The following MCM9 variants were observed in gnomAD, a reference collection of about 807,000 sequenced individuals.
MCM9 encodes minichromosome maintenance 9 homologous recombination repair factor, also known as DNA helicase MCM9.
MCM9 carries 55 observed loss-of-function variants against 72.8 expected under a neutral mutation model. That is an observed-to-expected ratio of 0.76 (90% CI 0.61 to 0.95). The LOEUF is 0.95. MCM9 is among the 40% of genes least tolerant of loss of function. The pLI, the probability that MCM9 is intolerant of heterozygous loss-of-function variation, is 0.00. For missense variants in MCM9, 1,279 were observed against 1,377.0 expected (o/e 0.93, Z 1.13); for synonymous variants, 480 against 503.4 (o/e 0.95, Z 0.62).
At chr6:118,907,482 A>C in intron 8 of MCM9, 10 of 1,613,568 alleles carry the variant, frequency 6.2e-6, no homozygotes, top group Non-Finnish European at 8.5e-6. Context: ...AAAAACTGGA[A>C]GATGCAGAGA....
intron 8 of MCM9, among the ~76,000 whole-genome samples, chr6:118,890,871 T>C (rs1338809764): frequency 6.6e-6 from 1 of 152,136 alleles, no homozygotes; most frequent in Non-Finnish European, 1.5e-5. Context: ...ATAATACAAA[T>C]GAGAAGACAA....
chr6:118,823,446 A>G (rs891875258), intron 13 of MCM9, among the ~76,000 whole-genome samples: 4 of 152,106 alleles, frequency 2.6e-5, no homozygotes, highest in African/African-American at 7.2e-5. Flanking sequence ...AGTAGTCCCA[A>G]TGCGATGAAC....
chr6:118,928,075 C>T (rs1026308173), intron 3 of MCM9, among the ~76,000 whole-genome samples: 1 of 152,166 alleles, frequency 6.6e-6, no homozygotes. Context: ...CTTCACTCTG[C>T]TCCTCAAAAA....
chr6:118,904,578 C>T (rs927561209), intron 8 of MCM9, among the ~76,000 whole-genome samples: 6 of 152,182 alleles, frequency 3.9e-5, no homozygotes, highest in Middle Eastern at 3.2e-3. Context: ...ACGGATGGGG[C>T]CCTGCCCTTC....
In MCM9 at chr6:118,815,796, T is replaced by A. The variant is rs1773376859; in HGVS notation, c.2460A>T (p.Lys820Asn). The A allele has an allele frequency of 6.5e-7, 1 of 1,539,478 alleles. No individual in the cohort carries two copies. The highest frequency in any genetic ancestry group is 1.2e-5 in the South Asian group (1 of 84,062). ...WRADNVESNK[K>N]KRLALDSEAA... is the part of the protein sequence containing the mutation. ...CTTCAGAATCTAGTGCTAGCCTTTT[T>A]TTCTTGTTACTTTCCACATTGTCTG... The change falls in exon 14 of 14, where the codon AAA (lysine) becomes AAT (asparagine). Residue 820 changes from lysine to asparagine, a missense_variant. Physicochemically the swap from Lys to Asn is moderately conservative, Grantham distance 94. Coordinates refer to ENST00000619706, the MANE Select transcript of MCM9 (RefSeq NM_017696.3).
chr6:118,828,206 C>A (rs970965331), intron 10 of MCM9, 76 bp from the exon 11 acceptor site: 2 of 1,184,866 alleles, frequency 1.7e-6, no homozygotes, highest in Admixed American at 2.5e-5. Context: ...TTATAAAGTT[C>A]TGGTACTCAT....
intron 8 of MCM9, among the ~76,000 whole-genome samples, chr6:118,890,732 CA>C (rs1351382542): frequency 6.6e-6 from 1 of 152,154 alleles, no homozygotes; most frequent in East Asian, 1.9e-4. Flanking sequence ...TATATTTATA[CA>C]GAAAATTTTA....
At chr6:118,861,412 G>C (rs1375754309) in intron 8 of MCM9, among the ~76,000 whole-genome samples, 2 of 152,314 alleles carry the variant, frequency 1.3e-5, no homozygotes, top group African/African-American at 4.8e-5. Context: ...AGCCCTGTTT[G>C]TGTTACAGCT....
intron 13 of MCM9, among the ~76,000 whole-genome samples, chr6:118,818,116 G>T (rs530233360): frequency 9.2e-5 from 14 of 152,320 alleles, no homozygotes; most frequent in African/African-American, 2.9e-4. Context: ...TGGCTGAGCT[G>T]AAGCTCTTTG....
intron 13 of MCM9, among the ~76,000 whole-genome samples, chr6:118,818,810 G>A (rs577868635): frequency 1.1e-4 from 17 of 152,306 alleles, no homozygotes; most frequent in Non-Finnish European, 2.4e-4. Context: ...TCCTTGAGCA[G>A]TGGTTTGTAG....
chr6:118,907,055 A>G (rs1583623886), intron 8 of MCM9, among the ~76,000 whole-genome samples: 1 of 152,228 alleles, frequency 6.6e-6, no homozygotes, highest in East Asian at 1.9e-4. Context: ...TCTAAACAAC[A>G]TAGTAGCTTG....
At chr6:118,902,554 A>C (rs984553464) in intron 8 of MCM9, among the ~76,000 whole-genome samples, 1 of 123,238 alleles carries the variant, frequency 8.1e-6, no homozygotes, top group African/African-American at 3.1e-5. Context: ...TTTGGCTACT[A>C]TAAGAACTTA....
intron 6 of MCM9, among the ~76,000 whole-genome samples, chr6:118,914,981 G>C (rs532086075): frequency 6.6e-6 from 1 of 152,210 alleles, no homozygotes; most frequent in Non-Finnish European, 1.5e-5. Flanking sequence ...GAGTTAGTAA[G>C]TATACAACAC....
chr6:118,899,966 T>TTCTACTCACA (rs1779693215), intron 8 of MCM9, among the ~76,000 whole-genome samples: 1 of 152,104 alleles, frequency 6.6e-6, no homozygotes, highest in African/African-American at 2.4e-5. Context: ...CTCCAAAGAG[T>TTCTACTCACA]TCTACTCATC....
At position 118,879,248 on chromosome 6, in the gene MCM9, GAAA is replaced by G. The variant is rs36165777; in HGVS notation, c.1151-22706_1151-22704del. The stretch of plus-strand genomic sequence containing the variant: ...GGCAAAGGTTGTTAGAATGGAGGGG[GAAA>G]AAAAAAAAAAACCCATGATCCAACT... On this transcript the variant is annotated intron_variant, in intron 8 of 13. Coordinates refer to ENST00000619706, the MANE Select transcript of MCM9 (RefSeq NM_017696.3). 3.2e-3 allele frequency among the ~76,000 whole-genome samples: 470 copies of G among 145,240 alleles called. 2 individuals carry two copies. Among genetic ancestry groups the G allele is most frequent in the Middle Eastern group, 7.4e-3 (2 of 272 alleles).
intron 8 of MCM9, among the ~76,000 whole-genome samples, chr6:118,869,151 A>G (rs1777416806): frequency 6.6e-6 from 1 of 152,208 alleles, no homozygotes; most frequent in Non-Finnish European, 1.5e-5. Context: ...TCAGCAAACT[A>G]TCAGAAGGAC....
intron 8 of MCM9, among the ~76,000 whole-genome samples, chr6:118,868,217 A>G (rs940503269): frequency 1.6e-4 from 24 of 152,294 alleles, no homozygotes; most frequent in African/African-American, 5.8e-4. Context: ...TGTTAAAAGA[A>G]CTAAAGCTAC....
chr6:118,851,885 T>C (rs1410725916), intron 9 of MCM9, among the ~76,000 whole-genome samples: 1 of 152,232 alleles, frequency 6.6e-6, no homozygotes, highest in Non-Finnish European at 1.5e-5. Context: ...TTGAGAAATC[T>C]ACATTAAGTC....
rs1562440109 is a variant in MCM9 at position 118,924,228 on chromosome 6, A to AG, written c.305-102dup. On this transcript the variant is annotated intron_variant, in intron 3 of 13. Transcript: ENST00000619706. ...TTCCTGAAAGATAAATTTTAATTTCAGGGGGAAAAAAAAGATTGTGTTTTA... is the reference window on the plus strand; with the variant it reads ...TTCCTGAAAGATAAATTTTAATTTCAGGGGGGAAAAAAAAGATTGTGTTTTA... 9.3e-6 allele frequency: 9 copies of AG among 968,262 alleles called. No homozygotes were observed. The South Asian group carries it at 1.1e-4, about 12-fold the overall frequency. The allele number at this position is 968,262 out of a possible 1,614,324, so 60.0% of individuals were successfully genotyped here.
Sources: allele counts gnomAD v4.1 joint callset (sites outside exome capture counted in the v4.1 genomes callset), GRCh38; gene constraint gnomAD v4.1.1; transcripts MANE v1.5; gene names NCBI Gene and HGNC (gene_info 2026-07-23, HGNC 2026-07-21).